The following TRPM3 variants were observed in gnomAD, a reference collection of about 807,000 sequenced individuals.
TRPM3 encodes the protein transient receptor potential cation channel subfamily M member 3, also known as long transient receptor potential channel 3.
TRPM3 carries 77 observed loss-of-function variants against 181.2 expected under a neutral mutation model. The observed-to-expected ratio is 0.42, with a 90% CI of 0.35 to 0.51. The LOEUF (loss-of-function observed/expected upper bound fraction) is 0.51, where lower values mean the gene tolerates loss of function less well. TRPM3 is among the 20% of genes least tolerant of loss of function. TRPM3 has a pLI of 0.01. For missense variants in TRPM3, 1,759 were observed against 2,196.7 expected, an observed-to-expected ratio of 0.80 and a Z score of 3.98; for synonymous variants, 745 against 796.4, an observed-to-expected ratio of 0.94 and a Z score of 1.09.
chr9:71,411,054 C>T (rs1378039455), intron 1 of TRPM3, among the ~76,000 whole-genome samples: 1 of 152,136 alleles, frequency 6.6e-6, no homozygotes, highest in Non-Finnish European at 1.5e-5. Context: ...ATTCAACAGC[C>T]CTTCATGCTA....
intron 5 of TRPM3, among the ~76,000 whole-genome samples, chr9:70,830,064 T>A (rs902978692): frequency 6.6e-6 from 1 of 152,166 alleles, no homozygotes; most frequent in African/African-American, 2.4e-5. Flanking sequence ...CAAGAGTCCT[T>A]GAGAAGGAGG....
At chr9:71,035,708 C>T (rs990547559) in intron 1 of TRPM3, among the ~76,000 whole-genome samples, 2 of 152,142 alleles carry the variant, frequency 1.3e-5, no homozygotes, top group Non-Finnish European at 2.9e-5. Context: ...TAGAGCAGGA[C>T]TGTCTCACAA....
intron 6 of TRPM3, among the ~76,000 whole-genome samples, chr9:70,796,973 T>A (rs1218910932): frequency 2.0e-5 from 3 of 151,616 alleles, no homozygotes; most frequent in African/African-American, 7.3e-5. Context: ...TACAAAAAAA[T>A]TTAAAAGTTA....
intron 1 of TRPM3, among the ~76,000 whole-genome samples, chr9:71,195,369 G>A (rs771024096): frequency 1.3e-5 from 2 of 151,840 alleles, no homozygotes; most frequent in African/African-American, 2.4e-5. Flanking sequence ...ACATACATGC[G>A]GCCAACAAGT....
chr9:70,989,704 A>G (rs1186234545), intron 1 of TRPM3, among the ~76,000 whole-genome samples: 1 of 152,120 alleles, frequency 6.6e-6, no homozygotes, highest in Non-Finnish European at 1.5e-5. Context: ...ATGGGTTTGG[A>G]GTGTTTAGAT....
At chr9:70,631,850 A>C (rs1292607577) in intron 12 of TRPM3, among the ~76,000 whole-genome samples, 1 of 152,236 alleles carries the variant, frequency 6.6e-6, no homozygotes, top group Non-Finnish European at 1.5e-5. Context: ...GTCTCAAAGA[A>C]GAGGTAAACT....
At chr9:70,563,224 A>C (rs2132035152) in intron 22 of TRPM3, among the ~76,000 whole-genome samples, 1 of 152,286 alleles carries the variant, frequency 6.6e-6, no homozygotes, top group Middle Eastern at 3.4e-3. Context: ...GCTGTTCTGG[A>C]GGAGGTGATA....
intron 1 of TRPM3, among the ~76,000 whole-genome samples, chr9:70,952,288 T>C (rs1409411695): frequency 6.6e-6 from 1 of 152,152 alleles, no homozygotes; most frequent in East Asian, 1.9e-4. Context: ...TTAAGTGGTG[T>C]GTTAGGGCAT....
At chr9:70,574,232 A>T (rs1314016819) in intron 22 of TRPM3, among the ~76,000 whole-genome samples, 1 of 152,154 alleles carries the variant, frequency 6.6e-6, no homozygotes, top group East Asian at 1.9e-4. Flanking sequence ...ACACTGGCCT[A>T]AAAGGCCCTG....
chr9:71,143,757 A>G (rs13284794), intron 1 of TRPM3, among the ~76,000 whole-genome samples: 5,472 of 152,248 alleles, frequency 0.036, 156 homozygotes, highest in South Asian at 0.14. Context: ...TCTTTGAGGA[A>G]TTGCCACACT....
intron 8 of TRPM3, among the ~76,000 whole-genome samples, chr9:70,690,172 A>G (rs1251548811): frequency 6.6e-6 from 1 of 152,170 alleles, no homozygotes; most frequent in African/African-American, 2.4e-5. Context: ...ATATAAAGGA[A>G]CACTCTACAA....
intron 1 of TRPM3, among the ~76,000 whole-genome samples, chr9:70,887,093 A>G (rs2096100054): frequency 1.3e-5 from 2 of 152,334 alleles, no homozygotes; most frequent in East Asian, 1.9e-4. Context: ...GAGTTTACCA[A>G]TATAAACAAC....
At chr9:70,758,238 A>G (rs573623600) in intron 8 of TRPM3, among the ~76,000 whole-genome samples, 13 of 152,170 alleles carry the variant, frequency 8.5e-5, no homozygotes, top group Non-Finnish European at 1.9e-4. Flanking sequence ...CAATTGCTAC[A>G]AAGAGAATAA....
chr9:70,929,958 G>T (rs1202143336), intron 1 of TRPM3, among the ~76,000 whole-genome samples: 1 of 152,110 alleles, frequency 6.6e-6, no homozygotes, highest in South Asian at 2.1e-4. Context: ...TAATATGATT[G>T]GTTCTTCACA....
chr9:70,785,325 A>G (rs537597088), intron 6 of TRPM3, among the ~76,000 whole-genome samples: 2 of 152,372 alleles, frequency 1.3e-5, no homozygotes, highest in South Asian at 4.1e-4. Flanking sequence ...CATGAGAGAC[A>G]TGATGACAAA....
chr9:70,864,435 T>C lies in TRPM3; in HGVS notation c.254A>G (p.His85Arg), dbSNP rs766653147. Residue 85 changes from histidine to arginine, a missense_variant, in exon 2 of 26, where the codon CAT becomes CGT. By Grantham distance (29) the His-to-Arg change is conservative (BLOSUM62 0). This residue lies in a region of TRPM3 where 737 missense variants were observed against 957.4 expected (regional missense o/e 0.77). Transcript: ENST00000677713. The part of the protein sequence containing the change: ...VHIIPSTKDP[H>R]RCCCGRLIGQ... Reference sequence around the variant, plus strand: ...ACATTATAGACAGCAAGATTACCTATGGGGGTCTTTGGTGCTGGGTATGAT... The same window carrying C: ...ACATTATAGACAGCAAGATTACCTACGGGGGTCTTTGGTGCTGGGTATGAT... 1.2e-5 allele frequency: 18 copies of C among 1,479,838 alleles called. No individual in the cohort carries two copies. The East Asian group carries it at 4.1e-4, about 34-fold the overall frequency. 91.7% of individuals were successfully genotyped at this position (1,479,838 alleles called of 1,614,324 possible). A position where few individuals can be genotyped will look rare whatever the true frequency, so the allele number is the denominator to read the frequency against.
At chr9:71,018,047 A>T (rs1173695771) in intron 1 of TRPM3, among the ~76,000 whole-genome samples, 1 of 151,978 alleles carries the variant, frequency 6.6e-6, no homozygotes, top group African/African-American at 2.4e-5. Context: ...CCCGCTGTTT[A>T]AGATCTGAAA....
At chr9:71,176,781 G>A (rs1462896349) in intron 1 of TRPM3, among the ~76,000 whole-genome samples, 3 of 152,018 alleles carry the variant, frequency 2.0e-5, no homozygotes, top group African/African-American at 4.8e-5. Context: ...GTTTTACTGT[G>A]TATTTTCCAT....
rs780905358 is a variant in TRPM3 at position 70,603,412 on chromosome 9, C to T, written c.2726G>A (p.Arg909His). The change falls in exon 20 of 26, where the codon CGC becomes CAC. Residue 909 changes from arginine to histidine, a missense_variant. By Grantham distance (29) the Arg-to-His change is conservative (BLOSUM62 0). Transcript: ENST00000677713. ...FNYIVLVKMERWPSTQEWIVI... is the reference protein window; with the variant it reads ...FNYIVLVKMEHWPSTQEWIVI... The stretch of plus-strand genomic sequence containing the variant: ...GATCCATTCCTGGGTGGACGGCCAG[C>T]GTTCCATCTTCACTAACACGATATA... 1.1e-5 allele frequency: 18 copies of T among 1,613,982 alleles called. No individual in the cohort carries two copies. Among genetic ancestry groups the T allele is most frequent in the Admixed American group, 6.7e-5 (4 of 59,996 alleles).
Sources: gnomAD v4.1 joint callset for allele counts (sites outside exome capture counted in the v4.1 genomes callset) on GRCh38, gnomAD v4.1.1 for gene constraint, gnomAD v4.1.1 regional missense constraint, MANE v1.5 for transcripts, NCBI Gene and HGNC (gene_info 2026-07-23, HGNC 2026-07-21) for gene names.